Variants in NUDT19 observed in about 807,000 individuals in gnomAD.
NUDT19 encodes acyl-coenzyme A diphosphatase NUDT19.
Under a neutral mutation model 22.2 loss-of-function variants are expected in NUDT19, and 31 were observed. The observed-to-expected ratio is 1.40, with a 90% CI of 1.05 to 1.89. The LOEUF is 1.89. Among genes scored for constraint, NUDT19 ranks in the 40% most tolerant of loss-of-function variants. NUDT19 has a pLI of 0.00. For synonymous variants in NUDT19, 325 were observed against 230.8 expected (o/e 1.41, Z -3.70); for missense variants, 752 against 514.2 (o/e 1.46, Z -4.47).
chr19:32,694,523 C>T (rs1244899706), intron 1 of NUDT19, among the ~76,000 whole-genome samples: 2 of 152,096 alleles, frequency 1.3e-5, no homozygotes, highest in Admixed American at 6.5e-5. Flanking sequence ...CTGGCTATTC[C>T]GGTTCCTGTA....
chr19:32,713,383 A>T lies in NUDT19; in HGVS notation c.*1426A>T, dbSNP rs1968469023. ...ACCATGTTGGCCAGTCCGGTCTCGA[A>T]CTTCTGACCTGAGGTGATCTGCCCA... On this transcript the variant is annotated 3_prime_UTR_variant, in exon 3 of 3. Transcript: ENST00000397061. 1 of 149,104 alleles carries T rather than the reference A, an allele frequency of 6.7e-6. No homozygotes were observed. Among genetic ancestry groups the T allele is most frequent in the African/African-American group, 2.5e-5 (1 of 40,236 alleles). The allele number at this position is 149,104 out of a possible 1,614,324, so 9.2% of individuals were successfully genotyped here. A position where few individuals can be genotyped will look rare whatever the true frequency, so the allele number is the denominator to read the frequency against.
At chr19:32,695,754 G>T (rs756607150) in intron 1 of NUDT19, among the ~76,000 whole-genome samples, 1 of 152,222 alleles carries the variant, frequency 6.6e-6, no homozygotes, top group Non-Finnish European at 1.5e-5. Flanking sequence ...TTTAATGGGG[G>T]TTCCCCCAGA....
At chr19:32,692,800 G>A (rs1251621971) in intron 1 of NUDT19, 126 bp downstream of exon 1, 4 of 634,760 alleles carry the variant, frequency 6.3e-6, no homozygotes, top group East Asian at 3.3e-5. Flanking sequence ...AGCAAGGAAC[G>A]CTTAGACGGG....
intron 1 of NUDT19, among the ~76,000 whole-genome samples, chr19:32,693,017 ATCC>A (rs1968219319): frequency 6.6e-6 from 1 of 152,064 alleles, no homozygotes; most frequent in Non-Finnish European, 1.5e-5. Context: ...ACTTAATATG[ATCC>A]AGTCTTCCTA....
At chr19:32,710,383 ATAAAG>A (rs1269181573) in intron 2 of NUDT19, among the ~76,000 whole-genome samples, 3 of 150,490 alleles carry the variant, frequency 2.0e-5, no homozygotes, top group African/African-American at 4.9e-5. Flanking sequence ...TATGAAGAAA[ATAAAG>A]TAAAATGTTA....
intron 1 of NUDT19, among the ~76,000 whole-genome samples, chr19:32,701,082 A>G (rs1968330120): frequency 6.6e-6 from 1 of 151,840 alleles, no homozygotes; most frequent in South Asian, 2.1e-4. Flanking sequence ...ATGGCCATGA[A>G]TATGTTCTAT....
intron 1 of NUDT19, among the ~76,000 whole-genome samples, chr19:32,693,945 G>A (rs929654950): frequency 3.3e-5 from 5 of 152,314 alleles, no homozygotes; most frequent in Middle Eastern, 3.4e-3. Flanking sequence ...GCAAAGAAGG[G>A]GCCCTGCAGT....
chr19:32,709,348 C>G lies in NUDT19; in HGVS notation c.878C>G (p.Pro293Arg). The G allele has an allele frequency of 6.2e-7, 1 of 1,614,114 alleles. No individual in the cohort carries two copies. Among genetic ancestry groups the G allele is most frequent in the Non-Finnish European group, 8.5e-7 (1 of 1,180,024 alleles). The stretch of plus-strand genomic sequence containing the variant: ...TTAGAAGGACTGGAAAGGTGGCTGC[C>G]GATCATCTTGTTAACTGCTGATGGG... ...RALEGLERWL[P>R]IILLTADGMV... is the part of the protein sequence containing the mutation. The change falls in exon 2 of 3, where the codon CCG becomes CGG. Residue 293 changes from proline to arginine, a missense_variant. Physicochemically the swap from Pro to Arg is moderately radical, Grantham distance 103 (BLOSUM62 -2). Transcript: ENST00000397061.
At chr19:32,693,104 G>C (rs1968220977) in intron 1 of NUDT19, among the ~76,000 whole-genome samples, 1 of 152,180 alleles carries the variant, frequency 6.6e-6, no homozygotes, top group South Asian at 2.1e-4. Flanking sequence ...TCCAGCTCCT[G>C]GTGTGTCCAG....
chr19:32,708,824 C>T (rs1451811964), intron 1 of NUDT19, among the ~76,000 whole-genome samples: 1 of 152,176 alleles, frequency 6.6e-6, no homozygotes, highest in Non-Finnish European at 1.5e-5. Flanking sequence ...CCAAATTCTC[C>T]ATCTACTGTG....
chr19:32,704,829 G>T (rs140414365), intron 1 of NUDT19, among the ~76,000 whole-genome samples: 402 of 152,092 alleles, frequency 2.6e-3, no homozygotes, highest in African/African-American at 9.2e-3. Context: ...ACTTTGGGCC[G>T]GGCATGGTGG....
chr19:32,700,247 GAGTGCTGAGTGGTCCATTTTACAC>G (rs1404248488), intron 1 of NUDT19, among the ~76,000 whole-genome samples: 7 of 152,160 alleles, frequency 4.6e-5, no homozygotes, highest in African/African-American at 1.2e-4. Context: ...CCATTTTACA[GAGTGCTGAGTGGTCCATTTTACAC>G]AGTGCTGATT....
chr19:32,705,423 CAA>C (rs1006377161), intron 1 of NUDT19, among the ~76,000 whole-genome samples: 1 of 133,556 alleles, frequency 7.5e-6, no homozygotes, highest in African/African-American at 2.8e-5. Flanking sequence ...GACTCTGTCT[CAA>C]AAAAAAAAAA....
intron 1 of NUDT19, among the ~76,000 whole-genome samples, chr19:32,703,253 G>A (rs949216972): frequency 5.9e-5 from 9 of 151,866 alleles, no homozygotes; most frequent in African/African-American, 9.7e-5. Context: ...CGCACACCTC[G>A]GCCTCCCAAA....
In NUDT19 at chr19:32,711,768, A is replaced by G; in HGVS notation, c.939A>G (p.Leu313=). 2 of 1,605,826 alleles carry G rather than the reference A, an allele frequency of 1.2e-6. No individual in the cohort carries two copies. The highest frequency in any genetic ancestry group is 1.7e-6 in the Non-Finnish European group (2 of 1,172,560). ...CTTTTTCAGGTGATGAGCTATATTTAGAAGATTCAGACTTTTTGGAAAATC... is the reference window on the plus strand; with the variant it reads ...CTTTTTCAGGTGATGAGCTATATTTGGAAGATTCAGACTTTTTGGAAAATC... ...VHLLPGDELY[L]EDSDFLENLM... is the part of the protein sequence containing the mutation. Residue 313 remains leucine, a synonymous_variant, in exon 3 of 3, where the codon TTA becomes TTG. Transcript: ENST00000397061.
intron 1 of NUDT19, among the ~76,000 whole-genome samples, chr19:32,694,877 T>C (rs1183572102): frequency 6.6e-6 from 1 of 152,246 alleles, no homozygotes; most frequent in Non-Finnish European, 1.5e-5. Context: ...TTCCTAACTC[T>C]GCTTCTGTAA....
intron 2 of NUDT19, among the ~76,000 whole-genome samples, chr19:32,710,453 A>G (rs1403766758): frequency 4.0e-5 from 6 of 149,094 alleles, no homozygotes; most frequent in Non-Finnish European, 8.9e-5. Context: ...TTAGCCAGGC[A>G]TGGTGGCACA....
intron 1 of NUDT19, among the ~76,000 whole-genome samples, chr19:32,697,907 C>T (rs1284423497): frequency 6.6e-6 from 1 of 152,108 alleles, no homozygotes; most frequent in Non-Finnish European, 1.5e-5. Flanking sequence ...CTAGGTTGGG[C>T]CAAATTCCGC....
At chr19:32,704,936 G>A (rs1055176741) in intron 1 of NUDT19, among the ~76,000 whole-genome samples, 9 of 150,736 alleles carry the variant, frequency 6.0e-5, no homozygotes, top group African/African-American at 9.8e-5. Context: ...GTGAAACCCC[G>A]TCTCAAGTAA....
Sources: gnomAD v4.1 joint callset for allele counts (sites outside exome capture counted in the v4.1 genomes callset) on GRCh38, gnomAD v4.1.1 for gene constraint, MANE v1.5 for transcripts, NCBI Gene and HGNC (gene_info 2026-07-23, HGNC 2026-07-21) for gene names.